CMIP: variants seen among roughly 807,000 people sequenced by gnomAD.
CMIP encodes c-Maf inducing protein.
CMIP carries 13 observed loss-of-function variants against 97.3 expected under a neutral mutation model. The observed-to-expected ratio is 0.13, with a 90% confidence interval of 0.09 to 0.21. CMIP has a LOEUF of 0.21. CMIP is among the 10% of genes least tolerant of loss of function. The probability of loss-of-function intolerance (pLI) is 1.00; values close to 1 mark genes in which losing one functional copy is unlikely to be tolerated. For missense variants in CMIP, 847 were observed against 1,024.9 expected (o/e 0.83, Z 2.37); for synonymous variants, 538 against 436.3 (o/e 1.23, Z -2.91).
rs367673944 is a variant in CMIP, at chr16:81,553,419, A to G, written c.301-54148A>G. 1.8e-4 allele frequency among the ~76,000 whole-genome samples: 27 copies of G among 152,312 alleles called. No individual in the cohort carries two copies. In the East Asian group the frequency reaches 4.6e-3, roughly 26 times the overall value. On this transcript the variant is annotated intron_variant, in intron 1 of 20. Coordinates refer to ENST00000537098, the MANE Select transcript of CMIP (RefSeq NM_198390.3). ...CTGGGTCGCTGTTTGCACTGGGGGA[A>G]GCGCTGGCCTCAGAGGTGCCTTCCT...
chr16:81,681,078 A>G (rs961078966), intron 10 of CMIP, among the ~76,000 whole-genome samples: 4 of 152,200 alleles, frequency 2.6e-5, no homozygotes, highest in Admixed American at 6.5e-5. Flanking sequence ...CCAAGGGCCC[A>G]GGACAGTCAG....
intron 1 of CMIP, among the ~76,000 whole-genome samples, chr16:81,470,861 C>G (rs1247574459): frequency 3.9e-5 from 6 of 152,346 alleles, no homozygotes; most frequent in African/African-American, 1.4e-4. Context: ...CGCTGTAGCC[C>G]TGAAACTCCT....
At chr16:81,502,085 C>A (rs1388443305) in intron 1 of CMIP, among the ~76,000 whole-genome samples, 4 of 152,172 alleles carry the variant, frequency 2.6e-5, no homozygotes, top group Non-Finnish European at 4.4e-5. Flanking sequence ...CAGAGCAGCC[C>A]TAAGGGGCAG....
At chr16:81,692,286 A>C (rs1304722918) in intron 11 of CMIP, among the ~76,000 whole-genome samples, 2 of 152,226 alleles carry the variant, frequency 1.3e-5, no homozygotes, top group African/African-American at 4.8e-5. Flanking sequence ...AAGCGCTCTA[A>C]TTACGCCCGG....
chr16:81,677,993 C>T (rs1051838008), intron 9 of CMIP, among the ~76,000 whole-genome samples: 1 of 152,202 alleles, frequency 6.6e-6, no homozygotes, highest in Admixed American at 6.5e-5. Flanking sequence ...CTCAGTCGGT[C>T]AGCAAATATT....
At chr16:81,448,102 C>T (rs980620350) in intron 1 of CMIP, among the ~76,000 whole-genome samples, 1 of 152,218 alleles carries the variant, frequency 6.6e-6, no homozygotes, top group Non-Finnish European at 1.5e-5. Context: ...CCTGTGGCTT[C>T]GCAGCAGCCG....
intron 2 of CMIP, among the ~76,000 whole-genome samples, chr16:81,613,841 G>T (rs886148211): frequency 1.3e-5 from 2 of 152,138 alleles, no homozygotes; most frequent in Non-Finnish European, 2.9e-5. Flanking sequence ...TGTCTTATCT[G>T]TTTTTCCATC....
At chr16:81,626,628 G>C (rs935392160) in intron 3 of CMIP, among the ~76,000 whole-genome samples, 2 of 148,042 alleles carry the variant, frequency 1.4e-5, no homozygotes, top group African/African-American at 5.0e-5. Context: ...TGTGGTGTGT[G>C]GGTGGCTTAT....
intron 1 of CMIP, among the ~76,000 whole-genome samples, chr16:81,469,146 C>A (rs886876266): frequency 2.6e-5 from 4 of 152,234 alleles, no homozygotes; most frequent in African/African-American, 9.7e-5. Context: ...TGTCCCTCAA[C>A]CTTTGACGTT....
At chr16:81,472,201 A>C (rs1268882255) in intron 1 of CMIP, among the ~76,000 whole-genome samples, 1 of 152,222 alleles carries the variant, frequency 6.6e-6, no homozygotes, top group Admixed American at 6.5e-5. Context: ...TGTATATGTA[A>C]CTTTGGGCAA....
chr16:81,685,714 T>TC (rs1279045255), intron 10 of CMIP, among the ~76,000 whole-genome samples: 1 of 150,678 alleles, frequency 6.6e-6, no homozygotes, highest in African/African-American at 2.4e-5. Flanking sequence ...TGGCTTACTT[T>TC]TTTTTTTTTT....
At chr16:81,534,844 A>G (rs912788414) in intron 1 of CMIP, among the ~76,000 whole-genome samples, 2 of 152,232 alleles carry the variant, frequency 1.3e-5, no homozygotes, top group Non-Finnish European at 2.9e-5. Context: ...ATCAGATACT[A>G]AATTTTTCAA....
At chr16:81,629,211 C>G (rs568523290) in intron 3 of CMIP, among the ~76,000 whole-genome samples, 39 of 148,588 alleles carry the variant, frequency 2.6e-4, no homozygotes, top group Admixed American at 1.3e-4. Flanking sequence ...CTGTTTCTCA[C>G]GCAGAAGGGC....
chr16:81,691,572 T>C (rs1256674164), intron 10 of CMIP: 8 of 606,994 alleles, frequency 1.3e-5, no homozygotes, highest in African/African-American at 3.7e-5. Flanking sequence ...AGGAAGTCTC[T>C]GCACAGGCCC....
At chr16:81,693,206 T>C (rs1313264865) in intron 12 of CMIP, 22 bp downstream of exon 12, 2 of 1,606,782 alleles carry the variant, frequency 1.2e-6, no homozygotes, top group Middle Eastern at 1.7e-4. Context: ...GGCACCGCCC[T>C]CATTCCATTC....
At chr16:81,585,044 T>C (rs1433504660) in intron 1 of CMIP, among the ~76,000 whole-genome samples, 1 of 152,234 alleles carries the variant, frequency 6.6e-6, no homozygotes, top group African/African-American at 2.4e-5. Context: ...AAAAACCACA[T>C]GTAAATGTAC....
chr16:81,675,999 G>A (rs1904301702), intron 9 of CMIP, among the ~76,000 whole-genome samples: 2 of 152,228 alleles, frequency 1.3e-5, no homozygotes, highest in African/African-American at 4.8e-5. Flanking sequence ...GTCCACAGTG[G>A]GTTGTAAGTG....
At chr16:81,687,285 C>T (rs911823764) in intron 10 of CMIP, among the ~76,000 whole-genome samples, 4 of 152,142 alleles carry the variant, frequency 2.6e-5, no homozygotes, top group Non-Finnish European at 2.9e-5. Flanking sequence ...TGGGGTGGTC[C>T]GAGGCAAGAT....
In CMIP at chr16:81,652,819, A is replaced by G. The variant is rs538827516; in HGVS notation, c.639+455A>G. 6.6e-6 allele frequency among the ~76,000 whole-genome samples: 1 copy of G among 152,216 alleles called. No individual in the cohort carries two copies. Among genetic ancestry groups the G allele is most frequent in the East Asian group, 1.9e-4 (1 of 5,182 alleles). On this transcript the variant is annotated intron_variant, in intron 4 of 20. Coordinates refer to ENST00000537098, the MANE Select transcript of CMIP (RefSeq NM_198390.3). The surrounding 1 kb of genome is among the most constrained non-coding windows in gnomAD (Gnocchi z 5.2). ...GGTTCTCTTTAAAAACAATCAGAAA[A>G]TCCAGCCGCGGTTTGCAGCTGGTGC...
Sources: allele counts gnomAD v4.1 joint callset (sites outside exome capture counted in the v4.1 genomes callset), GRCh38; gene constraint gnomAD v4.1.1; non-coding constraint Gnocchi (gnomAD v3.1); transcripts MANE v1.5; gene names NCBI Gene and HGNC (gene_info 2026-07-23, HGNC 2026-07-21).